Variants in FAM117A observed in about 807,000 individuals in gnomAD.
The protein encoded by FAM117A is family with sequence similarity 117 member A, also known as protein FAM117A.
Under a neutral mutation model 44.1 loss-of-function variants are expected in FAM117A, and 21 were observed. The observed-to-expected ratio is 0.48, with a 90% CI of 0.34 to 0.69. The LOEUF is 0.69. Ranked by LOEUF, FAM117A falls within the 30% of genes least tolerant of loss-of-function variation. The pLI, the probability that FAM117A is intolerant of heterozygous loss-of-function variation, is 0.01. For missense variants in FAM117A, 498 were observed against 589.9 expected, an observed-to-expected ratio of 0.84 and a Z score of 1.61; for synonymous variants, 220 against 238.3, an observed-to-expected ratio of 0.92 and a Z score of 0.71.
At chr17:49,740,541 A>G (rs562719446) in intron 1 of FAM117A, among the ~76,000 whole-genome samples, 67 of 152,230 alleles carry the variant, frequency 4.4e-4, no homozygotes, top group Admixed American at 2.0e-3. Flanking sequence ...GAGCCACTGC[A>G]CCCAGCCTGG....
chr17:49,756,577 C>A (rs1191713741), intron 1 of FAM117A, among the ~76,000 whole-genome samples: 1 of 150,684 alleles, frequency 6.6e-6, no homozygotes, highest in Non-Finnish European at 1.5e-5. Flanking sequence ...TTACTGGATT[C>A]CAACCTGGGT....
intron 1 of FAM117A, among the ~76,000 whole-genome samples, chr17:49,769,426 C>T (rs1318820667): frequency 6.6e-6 from 1 of 151,900 alleles, no homozygotes; most frequent in Non-Finnish European, 1.5e-5. Context: ...AGGCCGGGCG[C>T]GGTGGCTCAC....
chr17:49,725,585 C>T (rs923238311), intron 2 of FAM117A, among the ~76,000 whole-genome samples: 1 of 152,126 alleles, frequency 6.6e-6, no homozygotes, highest in Admixed American at 6.5e-5. Context: ...ATGTGCGTAT[C>T]TGAGGTAAGA....
intron 1 of FAM117A, among the ~76,000 whole-genome samples, chr17:49,758,669 A>T (rs182151800): frequency 0.012 from 1,776 of 150,266 alleles, 51 homozygotes; most frequent in African/African-American, 0.042. Context: ...AAATAAATAA[A>T]TAAATAAATA....
chr17:49,749,497 AATCT>A (rs2073667397), intron 1 of FAM117A, among the ~76,000 whole-genome samples: 3 of 145,302 alleles, frequency 2.1e-5, no homozygotes, highest in South Asian at 2.2e-4. Context: ...GAATCGCCTG[AATCT>A]GGGAGGCAGA....
At position 49,710,393 on chromosome 17, in the gene FAM117A, C is replaced by G. The variant is rs1387486489; in HGVS notation, c.*862G>C. 2.6e-5 allele frequency: 4 copies of G among 152,642 alleles called. No homozygotes were observed. Among genetic ancestry groups the G allele is most frequent in the African/African-American group, 9.6e-5 (4 of 41,458 alleles). 9.5% of individuals were successfully genotyped at this position (152,642 alleles called of 1,614,324 possible). A position where few individuals can be genotyped will look rare whatever the true frequency, so the allele number is the denominator to read the frequency against. On this transcript the variant is annotated 3_prime_UTR_variant, in exon 8 of 8. Transcript: ENST00000240364. Reference sequence around the variant, plus strand: ...CACCAAGATCTGCAAAAAACAACCTCTAAACACAAGATAAGAAAACTCGAA... The same window carrying G: ...CACCAAGATCTGCAAAAAACAACCTGTAAACACAAGATAAGAAAACTCGAA...
At chr17:49,718,337 A>G (rs2073514894) in intron 5 of FAM117A, among the ~76,000 whole-genome samples, 1 of 152,236 alleles carries the variant, frequency 6.6e-6, no homozygotes, top group Non-Finnish European at 1.5e-5. Flanking sequence ...ATATTGGCCA[A>G]CTGGCATTCC....
intron 1 of FAM117A, among the ~76,000 whole-genome samples, chr17:49,756,955 A>G (rs1439093390): frequency 6.6e-6 from 1 of 150,494 alleles, no homozygotes; most frequent in Non-Finnish European, 1.5e-5. Context: ...AAGAGGAGGC[A>G]CCCCAAACCT....
intron 1 of FAM117A, among the ~76,000 whole-genome samples, chr17:49,746,242 A>G (rs1223673447): frequency 6.6e-6 from 1 of 152,234 alleles, no homozygotes; most frequent in East Asian, 1.9e-4. Context: ...TGAAAGATAA[A>G]TAGGTAGACA....
At chr17:49,765,350 T>C (rs1459500103), upstream of FAM117A, among the ~76,000 whole-genome samples, 2 of 152,222 alleles carry the variant, frequency 1.3e-5, no homozygotes, top group Admixed American at 6.5e-5. Context: ...GATTTTTCTT[T>C]CTATTTCTGT....
At chr17:49,778,089 T>C (rs1219246635) in intron 1 of FAM117A, among the ~76,000 whole-genome samples, 1 of 152,248 alleles carries the variant, frequency 6.6e-6, no homozygotes, top group Non-Finnish European at 1.5e-5. Flanking sequence ...ATAGCCCTAA[T>C]GTCCCTGAAA....
At chr17:49,712,020 C>T (rs1304677416) in intron 7 of FAM117A, among the ~76,000 whole-genome samples, 4 of 152,276 alleles carry the variant, frequency 2.6e-5, no homozygotes, top group Admixed American at 2.0e-4. Flanking sequence ...GCAGCATGCT[C>T]CTGTAATCCT....
At chr17:49,771,568 A>AC (rs1299815590) in intron 1 of FAM117A, among the ~76,000 whole-genome samples, 1 of 152,100 alleles carries the variant, frequency 6.6e-6, no homozygotes, top group Non-Finnish European at 1.5e-5. Flanking sequence ...TCTCCATAAC[A>AC]CCTAGCACTG....
At chr17:49,769,572 C>T (rs977139397) in intron 1 of FAM117A, among the ~76,000 whole-genome samples, 2 of 151,788 alleles carry the variant, frequency 1.3e-5, no homozygotes, top group Middle Eastern at 6.8e-3. Context: ...TGGTGGCGGG[C>T]GCCTGTAGTC....
intron 1 of FAM117A, among the ~76,000 whole-genome samples, chr17:49,777,879 C>T (rs1436581166): frequency 2.6e-5 from 4 of 152,150 alleles, no homozygotes; most frequent in African/African-American, 9.7e-5. Context: ...GTAGAATATG[C>T]CAAGGGACCA....
intron 5 of FAM117A, among the ~76,000 whole-genome samples, chr17:49,718,973 C>CAA (rs747792681): frequency 1.7e-5 from 1 of 58,978 alleles, no homozygotes. Flanking sequence ...CGAGACTCTC[C>CAA]AAAAAAAAAA....
intron 1 of FAM117A, among the ~76,000 whole-genome samples, chr17:49,787,570 C>T (rs1042182390): frequency 6.6e-6 from 1 of 152,184 alleles, no homozygotes; most frequent in Non-Finnish European, 1.5e-5. Context: ...TCCATCTTAA[C>T]GGGGCCTCAG....
intron 2 of FAM117A, among the ~76,000 whole-genome samples, chr17:49,726,239 T>C (rs963608795): frequency 6.6e-6 from 1 of 151,284 alleles, no homozygotes; most frequent in Non-Finnish European, 1.5e-5. Flanking sequence ...GAGATGGGAG[T>C]TTCACTCTTG....
In FAM117A at chr17:49,764,129, C is replaced by T; in HGVS notation, c.-42G>A. 9.5e-7 allele frequency: 1 copy of T among 1,049,422 alleles called. No individual in the cohort carries two copies. The highest frequency in any genetic ancestry group is 1.2e-6 in the Non-Finnish European group (1 of 803,604). 65.0% of individuals were successfully genotyped at this position (1,049,422 alleles called of 1,614,324 possible). A position where few individuals can be genotyped will look rare whatever the true frequency, so the allele number is the denominator to read the frequency against. ...TGCCTCAGCCCCACTGCGAGACTCA[C>T]ACAGCCCCCCAACCCCCGAGGCCGC... is the stretch of plus-strand genomic sequence containing the variant. On this transcript the variant is annotated 5_prime_UTR_variant, in exon 1 of 8. In the 5' UTR this introduces an upstream ATG that the reference lacks. Transcript: ENST00000240364.
Sources: gnomAD v4.1 joint callset for allele counts (sites outside exome capture counted in the v4.1 genomes callset) on GRCh38, gnomAD v4.1.1 for gene constraint, MANE v1.5 for transcripts, NCBI Gene and HGNC (gene_info 2026-07-23, HGNC 2026-07-21) for gene names.